The following SF3B1 variants were observed in gnomAD, a reference collection of about 807,000 sequenced individuals.
The protein encoded by SF3B1 is pre-mRNA processing 10.
In SF3B1, 12 loss-of-function variants were observed where a neutral mutation model predicts 153.8. That is an observed-to-expected ratio of 0.08 (90% CI 0.05 to 0.13). The LOEUF (loss-of-function observed/expected upper bound fraction) is 0.13. Among genes scored for constraint, SF3B1 ranks in the 10% least tolerant of loss-of-function variants. The pLI, the probability that SF3B1 is intolerant of heterozygous loss-of-function variation, is 1.00. For missense variants in SF3B1, 513 were observed against 1,606.1 expected, an observed-to-expected ratio of 0.32 and a Z score of 11.63; for synonymous variants, 498 against 525.2, an observed-to-expected ratio of 0.95 and a Z score of 0.71.
intron 24 of SF3B1, among the ~76,000 whole-genome samples, chr2:197,392,727 C>A (rs1474601698): frequency 6.6e-6 from 1 of 151,940 alleles, no homozygotes. Flanking sequence ...ACTTTTCTTG[C>A]TAAGTAATCT....
intron 6 of SF3B1, among the ~76,000 whole-genome samples, chr2:197,410,561 C>T (rs543149947): frequency 1.4e-5 from 2 of 146,172 alleles, no homozygotes; most frequent in African/African-American, 2.6e-5. Context: ...GCTGGAGTGC[C>T]GGGGCATGAT....
chr2:197,411,171 G>C (rs2085061940), intron 6 of SF3B1, among the ~76,000 whole-genome samples: 2 of 152,142 alleles, frequency 1.3e-5, no homozygotes, highest in African/African-American at 4.8e-5. Flanking sequence ...GTGGGTTTAA[G>C]TAACATCAAG....
chr2:197,390,188 T>C lies in SF3B1; in HGVS notation c.*2115A>G, dbSNP rs1442031056. The C allele has an allele frequency of 6.6e-6, 1 of 152,192 alleles. No homozygotes were observed. Among genetic ancestry groups the C allele is most frequent in the Admixed American group, 6.5e-5 (1 of 15,268 alleles). The allele number at this position is 152,192 out of a possible 1,614,324, so 9.4% of individuals were successfully genotyped here. A position where few individuals can be genotyped will look rare whatever the true frequency, so the allele number is the denominator to read the frequency against. On this transcript the variant is annotated 3_prime_UTR_variant, in exon 25 of 25. Transcript: ENST00000335508. ...TTCCCTCCTCTCTATCCTCAAATTA[T>C]TTGCATCAGTAAAAAAAGTTAATTA...
intron 23 of SF3B1, among the ~76,000 whole-genome samples, chr2:197,395,183 A>G (rs2084862164): frequency 6.6e-6 from 1 of 152,224 alleles, no homozygotes; most frequent in African/African-American, 2.4e-5. Flanking sequence ...TGACTGCACT[A>G]TGGTGCTCAG....
chr2:197,418,291 CAT>C (rs1183636633), intron 5 of SF3B1, among the ~76,000 whole-genome samples: 1 of 88,640 alleles, frequency 1.1e-5, no homozygotes, highest in Non-Finnish European at 2.4e-5. Flanking sequence ...TACATACAAA[CAT>C]ATACAGCCAA....
chr2:197,402,273 T>C lies in SF3B1; in HGVS notation c.2078-143A>G. On this transcript the variant is annotated intron_variant, in intron 14 of 24. Transcript: ENST00000335508. The surrounding 1 kb of genome is among the most constrained non-coding windows in gnomAD (Gnocchi z 4.6). ...AACAAAATTAGGTAAAAGCAAAACA[T>C]GAACCATAGCCTGTCAGCAGATAAT... 1 of 901,032 alleles carries C rather than the reference T, an allele frequency of 1.1e-6. No individual in the cohort carries two copies. Among genetic ancestry groups the C allele is most frequent in the Non-Finnish European group, 1.7e-6 (1 of 603,784 alleles). The allele number at this position is 901,032 out of a possible 1,614,324, so 55.8% of individuals were successfully genotyped here. A position where few individuals can be genotyped will look rare whatever the true frequency, so the allele number is the denominator to read the frequency against.
chr2:197,421,240 G>C (rs770829492), intron 2 of SF3B1, 107 bp from the exon 3 acceptor site: 6 of 707,278 alleles, frequency 8.5e-6, no homozygotes, highest in Non-Finnish European at 1.5e-5. Context: ...TTGACAGTGT[G>C]ATGTCTAAGC....
chr2:197,408,790 G>C (rs1374914084), intron 7 of SF3B1: 1 of 535,520 alleles, frequency 1.9e-6, no homozygotes, highest in Non-Finnish European at 3.3e-6. Context: ...AGGTGTGGTG[G>C]TGGGCGCTTG....
chr2:197,400,693 G>T lies in SF3B1; in HGVS notation c.2718+22C>A. On this transcript the variant is annotated intron_variant, in intron 18 of 24. Transcript: ENST00000335508. This position sits in a 1 kb window ranked among gnomAD's most constrained non-coding sequence, Gnocchi z 5.0. ...TACAAATATTAAAGTTAGTAGCAATGTGCCATAATAGTTTTCATTACCTCT... is the reference window on the plus strand; with the variant it reads ...TACAAATATTAAAGTTAGTAGCAATTTGCCATAATAGTTTTCATTACCTCT... 6.7e-7 allele frequency: 1 copy of T among 1,482,378 alleles called. No individual in the cohort carries two copies. Among genetic ancestry groups the T allele is most frequent in the Non-Finnish European group, 9.4e-7 (1 of 1,068,432 alleles). The allele number at this position is 1,482,378 out of a possible 1,614,324, so 91.8% of individuals were successfully genotyped here.
intron 6 of SF3B1, among the ~76,000 whole-genome samples, chr2:197,415,321 C>T (rs1255235314): frequency 6.6e-6 from 1 of 151,952 alleles, no homozygotes; most frequent in Non-Finnish European, 1.5e-5. Flanking sequence ...GGCGTAATCT[C>T]AGCTCACTAC....
intron 12 of SF3B1, 117 bp downstream of exon 12, chr2:197,403,468 A>G (rs2105988522): frequency 1.7e-6 from 1 of 589,530 alleles, no homozygotes; most frequent in Middle Eastern, 4.5e-4. Context: ...GTATTTGTAC[A>G]TGTATGGTGT....
At chr2:197,418,971 C>G in intron 4 of SF3B1, 1 of 1,557,324 alleles carries the variant, frequency 6.4e-7, no homozygotes, top group Non-Finnish European at 8.8e-7. Flanking sequence ...TATCTCTTTA[C>G]CATTAGTAAC....
chr2:197,408,507 G>C lies in SF3B1; in HGVS notation c.979C>G (p.Pro327Ala). ...TTTCTTTTACTGGCTCCAGGAGTCG[G>C]TGTTTCACCAATAGAATCTCCACCT... is the stretch of plus-strand genomic sequence containing the variant. ...DRGGDSIGET[P>A]TPGASKRKSR... Residue 327 changes from proline to alanine, a missense_variant, in exon 8 of 25, where the codon CCG (proline) becomes GCG (alanine). By Grantham distance (27) the Pro-to-Ala change is conservative. Around this residue, in one of 21 missense-constraint regions of SF3B1, gnomAD observed 91 missense variants for 157.4 expected, o/e 0.58. Coordinates refer to ENST00000335508, the MANE Select transcript of SF3B1 (RefSeq NM_012433.4). 1.2e-6 allele frequency: 2 copies of C among 1,613,650 alleles called. No individual in the cohort carries two copies. The highest frequency in any genetic ancestry group is 4.5e-5 in the East Asian group (2 of 44,884).
In SF3B1 at chr2:197,408,475, C is replaced by T. The variant is rs780693704; in HGVS notation, c.1011G>A (p.Arg337=). 3 of 1,614,050 alleles carry T rather than the reference C, an allele frequency of 1.9e-6. No individual in the cohort carries two copies. The South Asian group carries it at 3.3e-5, about 18-fold the overall frequency. Residue 337 remains arginine (R), a synonymous_variant, in exon 8 of 25, where the codon CGG becomes CGA. Transcript: ENST00000335508. ...TCTGACTAGCTGGTGTTTCATCCCA[C>T]CGTGATTTTCTTTTACTGGCTCCAG... The part of the protein sequence containing the change: ...PTPGASKRKS[R]WDETPASQMG...
intron 22 of SF3B1, 26 bp from the exon 23 acceptor site, chr2:197,396,354 G>A: frequency 6.3e-7 from 1 of 1,578,332 alleles, no homozygotes; most frequent in South Asian, 1.2e-5. Flanking sequence ...GGGTCAACAA[G>A]CTGTTACATT....
At chr2:197,417,976 C>G (rs1559273806) in intron 5 of SF3B1, among the ~76,000 whole-genome samples, 1 of 151,906 alleles carries the variant, frequency 6.6e-6, no homozygotes, top group South Asian at 2.1e-4. Context: ...TGGCTCACAC[C>G]TGTAATCCCA....
chr2:197,410,613 C>T (rs1366441815), intron 6 of SF3B1, among the ~76,000 whole-genome samples: 1 of 145,652 alleles, frequency 6.9e-6, no homozygotes, highest in Non-Finnish European at 1.5e-5. Context: ...TCAAGTGATT[C>T]TCCAGCCTCA....
In SF3B1 at chr2:197,396,339, C is replaced by CA; in HGVS notation, c.3267-12dup. 6.3e-7 allele frequency: 1 copy of CA among 1,597,518 alleles called. No individual in the cohort carries two copies. The highest frequency in any genetic ancestry group is 1.1e-5 in the South Asian group (1 of 89,122). On this transcript the variant is annotated splice_polypyrimidine_tract_variant and intron_variant, in intron 22 of 24. Coordinates refer to ENST00000335508, the MANE Select transcript of SF3B1 (RefSeq NM_012433.4). ...AATACATCATGAGGGCTGAAAAAAA[C>CA]AAATGGGTCAACAAGCTGTTACATT... is the stretch of plus-strand genomic sequence containing the variant.
intron 23 of SF3B1, among the ~76,000 whole-genome samples, chr2:197,393,984 G>A (rs1307701713): frequency 6.6e-6 from 1 of 151,802 alleles, no homozygotes; most frequent in Non-Finnish European, 1.5e-5. Context: ...AGGAGGTCAA[G>A]ACCAGCCTGG....
Sources: gnomAD v4.1 joint callset for allele counts (sites outside exome capture counted in the v4.1 genomes callset) on GRCh38, gnomAD v4.1.1 for gene constraint, gnomAD v4.1.1 regional missense constraint, Gnocchi (gnomAD v3.1) non-coding constraint, MANE v1.5 for transcripts, NCBI Gene and HGNC (gene_info 2026-07-23, HGNC 2026-07-21) for gene names.